PNPLA7: variants seen among roughly 807,000 people sequenced by gnomAD.
The protein encoded by PNPLA7 is patatin-like phospholipase domain-containing protein 7.
A neutral mutation model predicts 161.7 loss-of-function variants in PNPLA7; 153 were observed. The ratio of observed to expected loss-of-function variants is 0.95; its 90% CI spans 0.83 to 1.08. The LOEUF is 1.08. Ranked by LOEUF, PNPLA7 falls within the 50% of genes least tolerant of loss-of-function variation. The pLI is 0.00. For synonymous variants in PNPLA7, 809 were observed against 782.1 expected (o/e 1.03, Z -0.57); for missense variants, 1,739 against 1,856.6 (o/e 0.94, Z 1.16).
intron 14 of PNPLA7, among the ~76,000 whole-genome samples, chr9:137,503,817 T>TGAAGAAGAAGGAA (rs1833691444): frequency 5.5e-4 from 1 of 1,820 alleles, no homozygotes; most frequent in East Asian, 0.012. Flanking sequence ...AGGAAGAAGA[T>TGAAGAAGAAGGAA]GAAGGAAGAA....
At chr9:137,461,708 C>T in intron 32 of PNPLA7, 88 bp from the exon 33 acceptor site, 1 of 1,385,282 alleles carries the variant, frequency 7.2e-7, no homozygotes, top group South Asian at 1.3e-5. Context: ...CCCACCCACC[C>T]TGCGCCCTCT....
At chr9:137,463,021 G>A (rs1374330236) in intron 29 of PNPLA7, 188 bp from the exon 30 acceptor site, 3 of 813,502 alleles carry the variant, frequency 3.7e-6, no homozygotes, top group South Asian at 1.8e-5. Context: ...CTGTGTCCTG[G>A]GCCTTTCTGA....
At chr9:137,507,620 G>A (rs1833991722) in intron 12 of PNPLA7, among the ~76,000 whole-genome samples, 1 of 152,180 alleles carries the variant, frequency 6.6e-6, no homozygotes, top group Admixed American at 6.5e-5. Context: ...GGTGAGCTGA[G>A]ATCGCACCAT....
chr9:137,505,187 C>CAAAAAAAAAA (rs1030910942), intron 14 of PNPLA7, among the ~76,000 whole-genome samples: 1 of 57,042 alleles, frequency 1.8e-5, no homozygotes, highest in Non-Finnish European at 2.9e-5. Context: ...GACTCTGTCT[C>CAAAAAAAAAA]AAAAAAAAAA....
rs1833348304 is a variant in PNPLA7, at chr9:137,500,672, C to T, written c.1757+19G>A. ...GGGGGGCTGGGGCCCGCCCTGAGGT[C>T]CTGGCCCGTGGGACTCACTCATAGA... On this transcript the variant is annotated intron_variant, in intron 16 of 34. Coordinates refer to ENST00000406427, the MANE Select transcript of PNPLA7 (RefSeq NM_001098537.3). This position sits in a 1 kb window ranked among gnomAD's most constrained non-coding sequence, Gnocchi z 5.5. The T allele has an allele frequency of 6.2e-7, 1 of 1,610,758 alleles. No homozygotes were observed. The highest frequency in any genetic ancestry group is 8.5e-7 in the Non-Finnish European group (1 of 1,179,114).
intron 12 of PNPLA7, among the ~76,000 whole-genome samples, chr9:137,507,213 T>TA (rs1238382787): frequency 1.3e-5 from 2 of 152,188 alleles, no homozygotes; most frequent in Non-Finnish European, 2.9e-5. Flanking sequence ...TGCTGTTTTT[T>TA]AAAAAAATCC....
intron 8 of PNPLA7, among the ~76,000 whole-genome samples, chr9:137,530,542 G>A (rs982673133): frequency 6.6e-6 from 1 of 152,230 alleles, no homozygotes; most frequent in African/African-American, 2.4e-5. Flanking sequence ...CCTCGTGGGT[G>A]GCGGCTCCAC....
At chr9:137,516,313 C>G (rs544056679) in intron 11 of PNPLA7, 9,984 of 983,804 alleles carry the variant, frequency 0.01, 66 homozygotes, top group Admixed American at 0.015. Context: ...TCAGGTGAAA[C>G]GAGGAAGGAG....
chr9:137,522,297 A>C (rs1028770127), intron 9 of PNPLA7, among the ~76,000 whole-genome samples: 19 of 150,222 alleles, frequency 1.3e-4, no homozygotes, highest in Non-Finnish European at 1.2e-4. Context: ...GATGGTCTCG[A>C]TCTCCTGACC....
At chr9:137,532,216 C>T (rs1380628476) in intron 8 of PNPLA7, among the ~76,000 whole-genome samples, 1 of 152,198 alleles carries the variant, frequency 6.6e-6, no homozygotes, top group African/African-American at 2.4e-5. Context: ...GAGGGCAGAT[C>T]GCTTGAGGTC....
intron 12 of PNPLA7, chr9:137,508,837 T>G (rs965832300): frequency 6.6e-6 from 1 of 152,126 alleles, no homozygotes; most frequent in Non-Finnish European, 1.5e-5. Flanking sequence ...TATACATACT[T>G]GACAAAGGAA....
chr9:137,512,899 G>A (rs1263167755), intron 12 of PNPLA7, among the ~76,000 whole-genome samples: 1 of 151,092 alleles, frequency 6.6e-6, no homozygotes, highest in East Asian at 1.9e-4. Context: ...GAGGGTTGAG[G>A]CCGCAGTGTG....
chr9:137,506,439 C>T (rs921062115), intron 12 of PNPLA7, among the ~76,000 whole-genome samples: 4 of 152,202 alleles, frequency 2.6e-5, no homozygotes, highest in East Asian at 1.9e-4. Context: ...CGGCTCGCTG[C>T]GGCCAACCCT....
At chr9:137,522,606 G>A in intron 9 of PNPLA7, 123 bp downstream of exon 9, 3 of 1,076,114 alleles carry the variant, frequency 2.8e-6, no homozygotes, top group Non-Finnish European at 4.1e-6. Flanking sequence ...CACCTTCATG[G>A]CTGTAAAGCT....
intron 8 of PNPLA7, among the ~76,000 whole-genome samples, chr9:137,525,727 T>G (rs1835267366): frequency 2.0e-5 from 3 of 147,464 alleles, no homozygotes; most frequent in African/African-American, 7.8e-5. Context: ...CGTTTAGGCC[T>G]CCGGATGGCT....
chr9:137,507,643 T>C (rs545065555), intron 12 of PNPLA7, among the ~76,000 whole-genome samples: 1 of 152,240 alleles, frequency 6.6e-6, no homozygotes, highest in African/African-American at 2.4e-5. Flanking sequence ...CACTCCAGCT[T>C]GGGTGACAAG....
chr9:137,536,395 C>G (rs1835890838), intron 8 of PNPLA7, among the ~76,000 whole-genome samples: 1 of 151,956 alleles, frequency 6.6e-6, no homozygotes, highest in Non-Finnish European at 1.5e-5. Flanking sequence ...TGGGGAGGGT[C>G]CGACTGGGCA....
intron 8 of PNPLA7, among the ~76,000 whole-genome samples, chr9:137,535,744 C>A: frequency 7.0e-6 from 1 of 142,618 alleles, no homozygotes; most frequent in Non-Finnish European, 1.5e-5. Context: ...CAGGGCAAGA[C>A]CCCGTCTCAA....
chr9:137,523,366 G>A lies in PNPLA7; in HGVS notation c.748-509C>T, dbSNP rs1278513446. 1.3e-5 allele frequency among the ~76,000 whole-genome samples: 2 copies of A among 152,088 alleles called. No homozygotes were observed. Among genetic ancestry groups the A allele is most frequent in the African/African-American group, 2.4e-5 (1 of 41,418 alleles). ...GACAGGGAGCGCGCACTGCCGGGTC[G>A]CACGAGGCCCAGGTGAGGAGCCACA... is the stretch of plus-strand genomic sequence containing the variant. On this transcript the variant is annotated intron_variant, in intron 8 of 34. Coordinates refer to ENST00000406427, the MANE Select transcript of PNPLA7 (RefSeq NM_001098537.3). This position sits in a 1 kb window ranked among gnomAD's most constrained non-coding sequence, Gnocchi z 4.4.
Sources: allele counts gnomAD v4.1 joint callset (sites outside exome capture counted in the v4.1 genomes callset), GRCh38; gene constraint gnomAD v4.1.1; non-coding constraint Gnocchi (gnomAD v3.1); transcripts MANE v1.5; gene names NCBI Gene and HGNC (gene_info 2026-07-23, HGNC 2026-07-21).